Variants in ERGIC2 observed in about 807,000 individuals in gnomAD.
ERGIC2 encodes the protein endoplasmic reticulum-Golgi intermediate compartment protein 2.
ERGIC2 carries 31 observed loss-of-function variants against 52.5 expected under a neutral mutation model. The ratio of observed to expected loss-of-function variants is 0.59; its 90% CI spans 0.44 to 0.80. ERGIC2 has a LOEUF of 0.80. ERGIC2 is among the 30% of genes least tolerant of loss of function. ERGIC2 has a pLI of 0.00. For missense variants in ERGIC2, 395 were observed against 455.2 expected (o/e 0.87, Z 1.20); for synonymous variants, 129 against 140.6 (o/e 0.92, Z 0.58).
chr12:29,380,033 T>G (rs185561423), intron 1 of ERGIC2, among the ~76,000 whole-genome samples: 2 of 142,412 alleles, frequency 1.4e-5, no homozygotes, highest in African/African-American at 5.4e-5. Context: ...AACACGCAAC[T>G]GTATACTAAA....
At position 29,366,955 on chromosome 12, in the gene ERGIC2, GA is replaced by G; in HGVS notation, c.263-9del. 3 of 1,522,358 alleles carry G rather than the reference GA, an allele frequency of 2.0e-6. No homozygotes were observed. The highest frequency in any genetic ancestry group is 1.2e-5 in the South Asian group (1 of 82,006). 94.3% of individuals were successfully genotyped at this position (1,522,358 alleles called of 1,614,324 possible). ...ATACATCCGCTCCAACATCTGCATA[GA>G]AAAAAGAATTAGAAGTTTTACATTC... On this transcript the variant is annotated splice_polypyrimidine_tract_variant and intron_variant, in intron 4 of 13. Coordinates refer to ENST00000360150, the MANE Select transcript of ERGIC2 (RefSeq NM_016570.3).
intron 7 of ERGIC2, among the ~76,000 whole-genome samples, chr12:29,356,782 TA>T (rs945524907): frequency 1.4e-4 from 21 of 152,044 alleles, no homozygotes; most frequent in Non-Finnish European, 2.6e-4. Flanking sequence ...CAAAAAGACA[TA>T]TTTTTTTCAT....
intron 3 of ERGIC2, 110 bp from the exon 4 acceptor site, chr12:29,368,397 G>A (rs1940393547): frequency 3.3e-6 from 2 of 608,192 alleles, no homozygotes; most frequent in Non-Finnish European, 5.9e-6. Flanking sequence ...AATAAATTAT[G>A]TCGATTAGAA....
At chr12:29,374,731 GTC>G (rs1940491546) in intron 1 of ERGIC2, among the ~76,000 whole-genome samples, 1 of 152,110 alleles carries the variant, frequency 6.6e-6, no homozygotes, top group African/African-American at 2.4e-5. Context: ...AAATCTGCCT[GTC>G]TTCTCTTCTT....
At chr12:29,374,887 C>T (rs1172134652) in intron 1 of ERGIC2, among the ~76,000 whole-genome samples, 2 of 152,058 alleles carry the variant, frequency 1.3e-5, no homozygotes, top group South Asian at 2.1e-4. Context: ...CTTTTTAATA[C>T]ATAAATCTGA....
At chr12:29,343,324 G>C in intron 11 of ERGIC2, 42 bp from the exon 12 acceptor site, 1 of 1,501,982 alleles carries the variant, frequency 6.7e-7, no homozygotes, top group Non-Finnish European at 9.0e-7. Flanking sequence ...AGGAGGAAGA[G>C]AGAAACAGAA....
intron 6 of ERGIC2, among the ~76,000 whole-genome samples, chr12:29,360,515 T>C (rs1312825359): frequency 6.8e-6 from 1 of 147,686 alleles, no homozygotes. Flanking sequence ...ATATGATATA[T>C]TATAAAATAT....
intron 11 of ERGIC2, among the ~76,000 whole-genome samples, chr12:29,344,387 C>T (rs1940013233): frequency 2.0e-5 from 3 of 152,138 alleles, no homozygotes; most frequent in Non-Finnish European, 4.4e-5. Flanking sequence ...TGCATGTTTG[C>T]CTATTTTCCC....
In ERGIC2 at chr12:29,345,549, C is replaced by T; in HGVS notation, c.728-9G>A. 6.8e-7 allele frequency: 1 copy of T among 1,468,450 alleles called. No homozygotes were observed. The highest frequency in any genetic ancestry group is 9.5e-7 in the Non-Finnish European group (1 of 1,054,468). 91.0% of individuals were successfully genotyped at this position (1,468,450 alleles called of 1,614,324 possible). A position where few individuals can be genotyped will look rare whatever the true frequency, so the allele number is the denominator to read the frequency against. On this transcript the variant is annotated splice_polypyrimidine_tract_variant and intron_variant, in intron 10 of 13. Coordinates refer to ENST00000360150, the MANE Select transcript of ERGIC2 (RefSeq NM_016570.3). ...TTGGAACATCTGGTTGTCTAGAATA[C>T]AAAAAAAACTTTTTATCAATTCAGT...
At position 29,341,227 on chromosome 12, in the gene ERGIC2, A is replaced by G; in HGVS notation, c.1072-9T>C. 6.3e-7 allele frequency: 1 copy of G among 1,599,662 alleles called. No homozygotes were observed. Among genetic ancestry groups the G allele is most frequent in the Non-Finnish European group, 8.5e-7 (1 of 1,170,658 alleles). On this transcript the variant is annotated splice_polypyrimidine_tract_variant and intron_variant, in intron 13 of 13. Coordinates refer to ENST00000360150, the MANE Select transcript of ERGIC2 (RefSeq NM_016570.3). ...CCATCCTCAAAAGGAACCTAAGGAG[A>G]AAAGGAGGGAAAAAAAGACCAAAGA... is the stretch of plus-strand genomic sequence containing the variant.
At chr12:29,349,431 A>C (rs1940102605) in intron 9 of ERGIC2, among the ~76,000 whole-genome samples, 1 of 152,008 alleles carries the variant, frequency 6.6e-6, no homozygotes, top group Non-Finnish European at 1.5e-5. Context: ...AACGTCTAGA[A>C]AATATTAATA....
intron 8 of ERGIC2, among the ~76,000 whole-genome samples, chr12:29,355,524 G>T (rs1188548780): frequency 6.6e-6 from 1 of 152,070 alleles, no homozygotes; most frequent in African/African-American, 2.4e-5. Flanking sequence ...AAAGATGGAT[G>T]GATCTATTTA....
chr12:29,361,363 A>G (rs879503185), intron 6 of ERGIC2, among the ~76,000 whole-genome samples: 2 of 152,226 alleles, frequency 1.3e-5, no homozygotes, highest in South Asian at 2.1e-4. Flanking sequence ...GAATTTTTAA[A>G]ATGATCATAT....
In ERGIC2 at chr12:29,337,838, G is replaced by C. The variant is rs1453931389; in HGVS notation, c.*3318C>G. 1 of 152,048 alleles carries C rather than the reference G, an allele frequency of 6.6e-6. No individual in the cohort carries two copies. Among genetic ancestry groups the C allele is most frequent in the Non-Finnish European group, 1.5e-5 (1 of 68,000 alleles). The allele number at this position is 152,048 out of a possible 1,614,324, so 9.4% of individuals were successfully genotyped here. A position where few individuals can be genotyped will look rare whatever the true frequency, so the allele number is the denominator to read the frequency against. On this transcript the variant is annotated 3_prime_UTR_variant, in exon 14 of 14. Coordinates refer to ENST00000360150, the MANE Select transcript of ERGIC2 (RefSeq NM_016570.3). ...TTTGGTACTTGAATTACTAACTCAG[G>C]ACATAGATGGAATGCACAGTGTATC...
chr12:29,347,831 T>C (rs985248610), intron 10 of ERGIC2, among the ~76,000 whole-genome samples: 2 of 152,206 alleles, frequency 1.3e-5, no homozygotes, highest in South Asian at 2.1e-4. Context: ...GATACTCACC[T>C]AACGGCATTT....
chr12:29,343,342 C>T (rs1423546062), intron 11 of ERGIC2, 60 bp from the exon 12 acceptor site: 2 of 1,370,176 alleles, frequency 1.5e-6, no homozygotes, highest in African/African-American at 2.9e-5. Flanking sequence ...GAATTCATGT[C>T]ATCTGGTTAC....
chr12:29,377,196 C>G (rs1318080732), intron 1 of ERGIC2, among the ~76,000 whole-genome samples: 1 of 152,154 alleles, frequency 6.6e-6, no homozygotes, highest in Non-Finnish European at 1.5e-5. Flanking sequence ...ATCTCCAGTA[C>G]TATGTCTGTT....
chr12:29,366,814 C>T, intron 5 of ERGIC2, 63 bp downstream of exon 5: 1 of 872,050 alleles, frequency 1.1e-6, no homozygotes. Flanking sequence ...AAGCAACTAT[C>T]TGTCTTCAAG....
In ERGIC2 at chr12:29,339,556, TTC is replaced by T. The variant is rs1335556539; in HGVS notation, c.*1598_*1599del. Reference sequence around the variant, plus strand: ...GAAGGCTCATTCACGATTCAGAATTTTCTGTTTAAAAATCTTTCAAAGTATGT... The same window carrying T: ...GAAGGCTCATTCACGATTCAGAATTTTGTTTAAAAATCTTTCAAAGTATGT... On this transcript the variant is annotated 3_prime_UTR_variant, in exon 14 of 14. Transcript: ENST00000360150. 2 of 152,214 alleles carry T rather than the reference TTC, an allele frequency of 1.3e-5. No individual in the cohort carries two copies. Among genetic ancestry groups the T allele is most frequent in the African/African-American group, 2.4e-5 (1 of 41,472 alleles). The allele number at this position is 152,214 out of a possible 1,614,324, so 9.4% of individuals were successfully genotyped here.
Sources: allele counts gnomAD v4.1 joint callset (sites outside exome capture counted in the v4.1 genomes callset), GRCh38; gene constraint gnomAD v4.1.1; transcripts MANE v1.5; gene names NCBI Gene and HGNC (gene_info 2026-07-23, HGNC 2026-07-21).